The following OPCML variants were observed in gnomAD, a reference collection of about 807,000 sequenced individuals.
OPCML encodes the protein opioid-binding protein/cell adhesion molecule.
Under a neutral mutation model 37.8 loss-of-function variants are expected in OPCML, and 13 were observed. The observed-to-expected ratio is 0.34, with a 90% CI of 0.22 to 0.55. The LOEUF (loss-of-function observed/expected upper bound fraction) is 0.55, where lower values mean the gene tolerates loss of function less well. Ranked by LOEUF, OPCML falls within the 20% of genes least tolerant of loss-of-function variation. The probability of loss-of-function intolerance (pLI) is 0.91; values close to 1 mark genes in which losing one functional copy is unlikely to be tolerated. For missense variants in OPCML, 341 were observed against 435.6 expected, an observed-to-expected ratio of 0.78 and a Z score of 1.93; for synonymous variants, 176 against 168.8, an observed-to-expected ratio of 1.04 and a Z score of -0.33.
intron 1 of OPCML, among the ~76,000 whole-genome samples, chr11:133,175,534 G>T (rs181075349): frequency 6.7e-6 from 1 of 149,748 alleles, no homozygotes; most frequent in Non-Finnish European, 1.5e-5. Context: ...TGCAACCCAC[G>T]ACAGGTTACA....
intron 1 of OPCML, among the ~76,000 whole-genome samples, chr11:133,518,128 A>T (rs56359414): frequency 0.17 from 26,116 of 151,900 alleles, 5,549 homozygotes; most frequent in African/African-American, 0.51. Flanking sequence ...TGTGTGGAGA[A>T]GAGTGTGCAT....
At chr11:133,041,040 C>T (rs1947883858) in intron 1 of OPCML, among the ~76,000 whole-genome samples, 1 of 152,272 alleles carries the variant, frequency 6.6e-6, no homozygotes, top group East Asian at 1.9e-4. Context: ...CTGGAAAAAA[C>T]TTTATGATAG....
At chr11:132,428,145 G>A (rs966224862) in intron 7 of OPCML, among the ~76,000 whole-genome samples, 3 of 152,200 alleles carry the variant, frequency 2.0e-5, no homozygotes, top group African/African-American at 7.2e-5. Context: ...CTTCAAAAGG[G>A]AGATCTGGGA....
chr11:132,807,004 T>C (rs1939054267), intron 2 of OPCML, among the ~76,000 whole-genome samples: 1 of 152,160 alleles, frequency 6.6e-6, no homozygotes, highest in South Asian at 2.1e-4. Flanking sequence ...TATATCAAAA[T>C]GTTAGAGATG....
chr11:133,211,134 T>C lies in OPCML; in HGVS notation c.62-268124A>G, dbSNP rs1939339452. Among the ~76,000 whole-genome samples, 1 of 152,200 alleles carries C rather than the reference T, an allele frequency of 6.6e-6. No individual in the cohort carries two copies. The highest frequency in any genetic ancestry group is 2.4e-5 in the African/African-American group (1 of 41,448). ...AACTCAGCTTTCTAATCATTCGTGA[T>C]TGATGAGCCTGCCAGAAGGAATCAA... On this transcript the variant is annotated intron_variant, in intron 1 of 7. Coordinates refer to ENST00000524381, the MANE Select transcript of OPCML (RefSeq NM_001012393.5). This position sits in a 1 kb window ranked among gnomAD's most constrained non-coding sequence, Gnocchi z 4.1.
rs554960957 is a variant in OPCML, at chr11:132,534,295, C to T, written c.380-5109G>A. Among the ~76,000 whole-genome samples, 32 of 152,224 alleles carry T rather than the reference C, an allele frequency of 2.1e-4. No individual in the cohort carries two copies. In the South Asian group the frequency reaches 6.2e-3, roughly 30 times the overall value. Reference sequence around the variant, plus strand: ...TGTATAAAACATACATAGTTTTGTGCTTTTATATCCATTTATATGATTATT... The same window carrying T: ...TGTATAAAACATACATAGTTTTGTGTTTTTATATCCATTTATATGATTATT... On this transcript the variant is annotated intron_variant, in intron 3 of 7. Coordinates refer to ENST00000524381, the MANE Select transcript of OPCML (RefSeq NM_001012393.5).
chr11:132,446,435 T>C (rs2096055372), intron 4 of OPCML, among the ~76,000 whole-genome samples: 1 of 151,988 alleles, frequency 6.6e-6, no homozygotes, highest in African/African-American at 2.4e-5. Flanking sequence ...TTAAATCCAT[T>C]TGATGAGCAG....
chr11:132,441,506 A>G (rs1382949680), intron 4 of OPCML, among the ~76,000 whole-genome samples: 1 of 152,064 alleles, frequency 6.6e-6, no homozygotes, highest in East Asian at 1.9e-4. Context: ...AGACTGCAAT[A>G]TTTTCCTTGT....
intron 1 of OPCML, among the ~76,000 whole-genome samples, chr11:133,095,398 T>C (rs1238415145): frequency 6.9e-6 from 1 of 143,968 alleles, no homozygotes; most frequent in African/African-American, 2.6e-5. Context: ...TAATCTCAGG[T>C]TTGAGTTATG....
chr11:132,908,795 A>C (rs1944328368), intron 2 of OPCML, among the ~76,000 whole-genome samples: 1 of 152,248 alleles, frequency 6.6e-6, no homozygotes, highest in Non-Finnish European at 1.5e-5. Context: ...GTGATGATAG[A>C]GGAGCCTCAG....
intron 2 of OPCML, among the ~76,000 whole-genome samples, chr11:132,819,508 A>C (rs1242131129): frequency 6.6e-6 from 1 of 152,182 alleles, no homozygotes; most frequent in Non-Finnish European, 1.5e-5. Context: ...CCAATAGATG[A>C]ATTTAATAGC....
chr11:132,478,577 G>C (rs1287833080), intron 4 of OPCML, among the ~76,000 whole-genome samples: 1 of 152,138 alleles, frequency 6.6e-6, no homozygotes, highest in Non-Finnish European at 1.5e-5. Context: ...CTTAAAAATA[G>C]AAAACAAAAA....
chr11:132,779,659 C>G (rs1428634566), intron 2 of OPCML, among the ~76,000 whole-genome samples: 1 of 152,092 alleles, frequency 6.6e-6, no homozygotes, highest in African/African-American at 2.4e-5. Flanking sequence ...CCCAGACTCT[C>G]TGCATGCTTT....
At chr11:132,995,239 G>A (rs1946859810) in intron 1 of OPCML, among the ~76,000 whole-genome samples, 1 of 152,138 alleles carries the variant, frequency 6.6e-6, no homozygotes, top group African/African-American at 2.4e-5. Context: ...GGAGTCAGAG[G>A]GAGGATATTA....
intron 1 of OPCML, among the ~76,000 whole-genome samples, chr11:133,009,634 G>A (rs1385989075): frequency 6.6e-6 from 1 of 152,196 alleles, no homozygotes; most frequent in Non-Finnish European, 1.5e-5. Context: ...AATGGGGTGG[G>A]TGCGGAGAAT....
At chr11:132,648,881 C>T (rs553142404) in intron 3 of OPCML, among the ~76,000 whole-genome samples, 58 of 152,198 alleles carry the variant, frequency 3.8e-4, no homozygotes, top group Middle Eastern at 3.4e-3. Context: ...TTAGAAAATA[C>T]CGACTCCTCC....
rs5795774 is a variant in OPCML, at chr11:132,424,124, G to GT, written c.917-3832dup. On this transcript the variant is annotated intron_variant, in intron 7 of 7. Coordinates refer to ENST00000524381, the MANE Select transcript of OPCML (RefSeq NM_001012393.5). Reference sequence around the variant, plus strand: ...TCTAAAACCTAGAATACTAGAGGCAGTTTTTTTTTTTTTTAGATGGAGTCT... The same window carrying GT: ...TCTAAAACCTAGAATACTAGAGGCAGTTTTTTTTTTTTTTTAGATGGAGTCT... 2.7e-3 allele frequency among the ~76,000 whole-genome samples: 401 copies of GT among 146,508 alleles called. 1 individual carries two copies. Among genetic ancestry groups the GT allele is most frequent in the Middle Eastern group, 3.6e-3 (1 of 280 alleles).
chr11:133,092,846 GAGAA>G (rs1948930090), intron 1 of OPCML, among the ~76,000 whole-genome samples: 1 of 148,856 alleles, frequency 6.7e-6, no homozygotes, highest in South Asian at 2.1e-4. Flanking sequence ...GAGAGAGACA[GAGAA>G]AGAGAGAGAG....
chr11:132,647,685 G>A (rs1941224321), intron 3 of OPCML, among the ~76,000 whole-genome samples: 1 of 152,160 alleles, frequency 6.6e-6, no homozygotes, highest in Non-Finnish European at 1.5e-5. Flanking sequence ...AGGCTGAGGA[G>A]GAGGAGGAAG....
Sources: allele counts gnomAD v4.1 joint callset (sites outside exome capture counted in the v4.1 genomes callset), GRCh38; gene constraint gnomAD v4.1.1; non-coding constraint Gnocchi (gnomAD v3.1); transcripts MANE v1.5; gene names NCBI Gene and HGNC (gene_info 2026-07-23, HGNC 2026-07-21).